Variants in PRKG1 observed in about 807,000 individuals in gnomAD.
PRKG1 encodes the protein cGMP-dependent protein kinase 1.
In PRKG1, 35 loss-of-function variants were observed where a neutral mutation model predicts 88.1. The ratio of observed to expected loss-of-function variants is 0.40; its 90% CI spans 0.30 to 0.53. The LOEUF (loss-of-function observed/expected upper bound fraction) is 0.53, where lower values mean the gene tolerates loss of function less well. PRKG1 is among the 20% of genes least tolerant of loss of function. The pLI is 0.59. For missense variants in PRKG1, 540 were observed against 839.8 expected, an observed-to-expected ratio of 0.64 and a Z score of 4.41; for synonymous variants, 303 against 292.5, an observed-to-expected ratio of 1.04 and a Z score of -0.37.
chr10:52,247,029 T>C (rs1366627095), intron 9 of PRKG1, among the ~76,000 whole-genome samples: 1 of 152,120 alleles, frequency 6.6e-6, no homozygotes, highest in Non-Finnish European at 1.5e-5. Flanking sequence ...AACATACTTA[T>C]CTTGTTGTAT....
chr10:51,510,942 G>A (rs1334752370), intron 3 of PRKG1, among the ~76,000 whole-genome samples: 5 of 149,200 alleles, frequency 3.4e-5, no homozygotes, highest in South Asian at 2.1e-4. Context: ...TAGTAGAGAC[G>A]GGGTTTTTAC....
intron 3 of PRKG1, among the ~76,000 whole-genome samples, chr10:51,726,005 G>A (rs1416364416): frequency 6.6e-6 from 1 of 152,144 alleles, no homozygotes; most frequent in Non-Finnish European, 1.5e-5. Context: ...GGTGAGCAAT[G>A]CCCTAAAAGA....
chr10:51,272,452 C>G (rs1448046270), intron 2 of PRKG1, among the ~76,000 whole-genome samples: 1 of 151,658 alleles, frequency 6.6e-6, no homozygotes, highest in East Asian at 1.9e-4. Context: ...ATGTGTATAC[C>G]TATGTAACAA....
intron 3 of PRKG1, among the ~76,000 whole-genome samples, chr10:51,565,698 A>G (rs993858957): frequency 1.3e-5 from 2 of 152,124 alleles, no homozygotes; most frequent in Non-Finnish European, 2.9e-5. Context: ...GAAACTTAAA[A>G]CACTTGTTCC....
intron 1 of PRKG1, among the ~76,000 whole-genome samples, chr10:51,026,178 G>T (rs1337598654): frequency 6.6e-6 from 1 of 152,120 alleles, no homozygotes; most frequent in Non-Finnish European, 1.5e-5. Context: ...ACCCAACCCT[G>T]CCAACACCTT....
intron 4 of PRKG1, among the ~76,000 whole-genome samples, chr10:51,869,437 A>G (rs1032136149): frequency 6.6e-6 from 1 of 152,122 alleles, no homozygotes; most frequent in Admixed American, 6.6e-5. Flanking sequence ...TTGTAGCTAG[A>G]AAACAATCAG....
chr10:51,650,107 A>G (rs1840004073), intron 3 of PRKG1, among the ~76,000 whole-genome samples: 1 of 151,792 alleles, frequency 6.6e-6, no homozygotes. Flanking sequence ...TAGACCAACA[A>G]CTCCTAGAGG....
At chr10:51,628,670 T>C (rs1839437449) in intron 3 of PRKG1, among the ~76,000 whole-genome samples, 1 of 152,112 alleles carries the variant, frequency 6.6e-6, no homozygotes, top group Admixed American at 6.5e-5. Flanking sequence ...TTTTCAAAAC[T>C]GCAAGTTGGC....
intron 6 of PRKG1, among the ~76,000 whole-genome samples, chr10:52,061,730 TA>T (rs1167127097): frequency 6.6e-6 from 1 of 151,986 alleles, no homozygotes; most frequent in Admixed American, 6.6e-5. Flanking sequence ...TTTATTATAG[TA>T]AAAAAGGGCC....
chr10:51,001,776 A>G (rs79626168), intron 1 of PRKG1, among the ~76,000 whole-genome samples: 3,105 of 152,296 alleles, frequency 0.02, 58 homozygotes, highest in Middle Eastern at 0.071. Context: ...GGGGAGACAT[A>G]GAGAGATTTC....
chr10:51,493,157 C>T (rs1386713127), intron 3 of PRKG1, among the ~76,000 whole-genome samples: 1 of 152,040 alleles, frequency 6.6e-6, no homozygotes, highest in African/African-American at 2.4e-5. Context: ...TATTACCACT[C>T]CCCTTGAATA....
At chr10:51,133,904 A>G (rs766994751) in intron 1 of PRKG1, among the ~76,000 whole-genome samples, 3 of 152,184 alleles carry the variant, frequency 2.0e-5, no homozygotes, top group Non-Finnish European at 4.4e-5. Flanking sequence ...TAAAATCAAC[A>G]ACATTGTATC....
intron 9 of PRKG1, among the ~76,000 whole-genome samples, chr10:52,233,957 C>G (rs1390158771): frequency 6.6e-6 from 1 of 152,094 alleles, no homozygotes; most frequent in African/African-American, 2.4e-5. Flanking sequence ...CAGCACGCAG[C>G]TGGAGATCTG....
chr10:51,490,902 C>T (rs929292669), intron 3 of PRKG1, among the ~76,000 whole-genome samples: 10 of 151,946 alleles, frequency 6.6e-5, no homozygotes, highest in African/African-American at 1.4e-4. Context: ...ATTTGAGATG[C>T]ATCAAAGAAA....
intron 2 of PRKG1, among the ~76,000 whole-genome samples, chr10:51,412,885 G>A (rs978542390): frequency 5.3e-5 from 8 of 152,158 alleles, no homozygotes; most frequent in Non-Finnish European, 1.0e-4. Flanking sequence ...GAAGGGAAGG[G>A]AGGGATAGAG....
chr10:51,188,046 A>T (rs1208998419), intron 2 of PRKG1, among the ~76,000 whole-genome samples: 1 of 152,038 alleles, frequency 6.6e-6, no homozygotes, highest in Non-Finnish European at 1.5e-5. Flanking sequence ...GTACAATGTG[A>T]ATGGAAAATT....
At chr10:52,138,328 C>T (rs568246931) in intron 8 of PRKG1, among the ~76,000 whole-genome samples, 48 of 152,246 alleles carry the variant, frequency 3.2e-4, no homozygotes, top group African/African-American at 1.1e-3. Flanking sequence ...AATTATCTTT[C>T]CTTTCACCTC....
At chr10:52,059,849 A>T (rs1383274030) in intron 6 of PRKG1, among the ~76,000 whole-genome samples, 1 of 151,956 alleles carries the variant, frequency 6.6e-6, no homozygotes, top group Non-Finnish European at 1.5e-5. Context: ...CATGTAACTA[A>T]AATACGTTTT....
At chr10:51,283,029 A>G (rs1840341300) in intron 2 of PRKG1, among the ~76,000 whole-genome samples, 1 of 152,106 alleles carries the variant, frequency 6.6e-6, no homozygotes. Context: ...TAGCAAAGAG[A>G]AAAACCAAAA....
Sources: allele counts gnomAD v4.1 joint callset (sites outside exome capture counted in the v4.1 genomes callset), GRCh38; gene constraint gnomAD v4.1.1; transcripts MANE v1.5; gene names NCBI Gene and HGNC (gene_info 2026-07-23, HGNC 2026-07-21).